CA10: variants seen among roughly 807,000 people sequenced by gnomAD.
CA10 encodes the protein carbonic anhydrase 10 (inactive), also known as carbonic anhydrase-related protein 10.
CA10 carries 14 observed loss-of-function variants against 44.2 expected under a neutral mutation model. The observed-to-expected ratio is 0.32, with a 90% CI of 0.21 to 0.50. The LOEUF (loss-of-function observed/expected upper bound fraction) is 0.50. Ranked by LOEUF, CA10 falls within the 20% of genes least tolerant of loss-of-function variation. The pLI, the probability that CA10 is intolerant of heterozygous loss-of-function variation, is 0.99. For synonymous variants in CA10, 159 were observed against 141.6 expected, an observed-to-expected ratio of 1.12 and a Z score of -0.87; for missense variants, 350 against 409.7, an observed-to-expected ratio of 0.85 and a Z score of 1.26.
chr17:51,700,060 GC>G (rs996006226), intron 4 of CA10, among the ~76,000 whole-genome samples: 55 of 152,280 alleles, frequency 3.6e-4, no homozygotes, highest in African/African-American at 1.2e-3. Flanking sequence ...GAATAAGTTT[GC>G]ACCATGGTTG....
intron 2 of CA10, among the ~76,000 whole-genome samples, chr17:51,994,757 C>T (rs1399559387): frequency 2.0e-5 from 3 of 151,972 alleles, no homozygotes; most frequent in Non-Finnish European, 4.4e-5. Flanking sequence ...GGGAAATCTA[C>T]ATTTTAATCA....
At chr17:52,015,926 A>AT (rs943305889) in intron 2 of CA10, among the ~76,000 whole-genome samples, 50 of 152,080 alleles carry the variant, frequency 3.3e-4, no homozygotes, top group African/African-American at 1.1e-3. Context: ...GGGGAGGATC[A>AT]TTTTTAGAAT....
chr17:51,902,965 C>T (rs1383059559), intron 3 of CA10, among the ~76,000 whole-genome samples: 1 of 152,168 alleles, frequency 6.6e-6, no homozygotes, highest in African/African-American at 2.4e-5. Flanking sequence ...ACACGCTGCT[C>T]ATCATTCATT....
At chr17:51,783,263 T>G (rs1365463664) in intron 3 of CA10, among the ~76,000 whole-genome samples, 1 of 152,228 alleles carries the variant, frequency 6.6e-6, no homozygotes, top group East Asian at 1.9e-4. Flanking sequence ...TAGAGAAGTA[T>G]GAAAGCTCAT....
At chr17:51,988,355 A>T (rs1984919743) in intron 2 of CA10, among the ~76,000 whole-genome samples, 2 of 152,008 alleles carry the variant, frequency 1.3e-5, no homozygotes, top group Admixed American at 6.6e-5. Context: ...GCAGTCAGTA[A>T]GATAGGAGAA....
chr17:51,656,418 T>G (rs983750286), intron 4 of CA10, among the ~76,000 whole-genome samples: 19 of 152,342 alleles, frequency 1.2e-4, no homozygotes, highest in African/African-American at 3.4e-4. Context: ...TTTAAAACTT[T>G]GATCTGAAGT....
At chr17:52,038,984 A>G (rs898312877) in intron 2 of CA10, among the ~76,000 whole-genome samples, 3 of 152,116 alleles carry the variant, frequency 2.0e-5, no homozygotes, top group Non-Finnish European at 2.9e-5. Context: ...TCTTGGCCTC[A>G]CTTTCTTTAC....
intron 2 of CA10, among the ~76,000 whole-genome samples, chr17:52,012,278 G>A (rs983112416): frequency 6.6e-6 from 1 of 151,908 alleles, no homozygotes; most frequent in African/African-American, 2.4e-5. Flanking sequence ...CTTATTTTCA[G>A]GTAAGAAACT....
chr17:51,847,817 G>A (rs1978564393), intron 3 of CA10, among the ~76,000 whole-genome samples: 1 of 152,192 alleles, frequency 6.6e-6, no homozygotes, highest in Non-Finnish European at 1.5e-5. Flanking sequence ...AGGTGCCTCT[G>A]TGATTCATCT....
intron 3 of CA10, among the ~76,000 whole-genome samples, chr17:51,844,370 A>G (rs1407100487): frequency 6.6e-6 from 1 of 152,242 alleles, no homozygotes; most frequent in Admixed American, 6.5e-5. Context: ...AAGTTGAAAC[A>G]TGACAATTTA....
At chr17:51,707,671 A>ATATGTGTGTGTGTG (rs3222887) in intron 4 of CA10, among the ~76,000 whole-genome samples, 1 of 142,910 alleles carries the variant, frequency 7.0e-6, no homozygotes, top group African/African-American at 2.6e-5. Flanking sequence ...GTGGATGAAT[A>ATATGTGTGTGTGTG]TGTGTGTGTG....
intron 3 of CA10, among the ~76,000 whole-genome samples, chr17:51,801,174 C>T (rs561230799): frequency 9.8e-5 from 15 of 152,338 alleles, no homozygotes; most frequent in African/African-American, 3.6e-4. Context: ...TGGCAAGAGA[C>T]ATCTGGTCCC....
intron 1 of CA10, among the ~76,000 whole-genome samples, chr17:52,085,359 G>A (rs1294208670): frequency 6.6e-6 from 1 of 152,156 alleles, no homozygotes; most frequent in Non-Finnish European, 1.5e-5. Flanking sequence ...TATGTTTCCT[G>A]TTTACAGCAG....
At chr17:52,014,598 G>A (rs1422850221) in intron 2 of CA10, among the ~76,000 whole-genome samples, 1 of 151,940 alleles carries the variant, frequency 6.6e-6, no homozygotes, top group Non-Finnish European at 1.5e-5. Context: ...CAGCTATCAT[G>A]GAAAAGTTAG....
intron 2 of CA10, among the ~76,000 whole-genome samples, chr17:51,985,744 C>A (rs1984810306): frequency 6.6e-6 from 1 of 151,816 alleles, no homozygotes; most frequent in African/African-American, 2.4e-5. Context: ...AAGAACTCAA[C>A]CCCTTTTACA....
chr17:51,922,311 G>T (rs533550937), intron 3 of CA10, among the ~76,000 whole-genome samples: 1 of 152,120 alleles, frequency 6.6e-6, no homozygotes, highest in Admixed American at 6.5e-5. Context: ...ATTTATCTAC[G>T]ATAGTGCTGG....
intron 3 of CA10, among the ~76,000 whole-genome samples, chr17:51,920,747 A>G (rs1982197905): frequency 6.6e-6 from 1 of 152,204 alleles, no homozygotes. Context: ...ATGCTTCTGC[A>G]CTGAATCCAT....
At chr17:51,751,287 T>C (rs1236688427) in intron 3 of CA10, among the ~76,000 whole-genome samples, 1 of 152,190 alleles carries the variant, frequency 6.6e-6, no homozygotes, top group African/African-American at 2.4e-5. Context: ...AGAGAGTTAG[T>C]ATTTAATGAG....
At chr17:52,017,831 A>T (rs1401605909) in intron 2 of CA10, among the ~76,000 whole-genome samples, 17 of 152,072 alleles carry the variant, frequency 1.1e-4, no homozygotes, top group African/African-American at 3.1e-4. Context: ...CCTCAAAGGC[A>T]TTTCACAAGT....
Sources: gnomAD v4.1 joint callset for allele counts (sites outside exome capture counted in the v4.1 genomes callset) on GRCh38, gnomAD v4.1.1 for gene constraint, MANE v1.5 for transcripts, NCBI Gene and HGNC (gene_info 2026-07-23, HGNC 2026-07-21) for gene names.